Variants in CSMD1 observed in about 807,000 individuals in gnomAD.
CSMD1 encodes CUB and Sushi multiple domains 1.
Under a neutral mutation model 417.5 loss-of-function variants are expected in CSMD1, and 213 were observed. The observed-to-expected ratio is 0.51, with a 90% CI of 0.46 to 0.57. The LOEUF (loss-of-function observed/expected upper bound fraction) is 0.57. Among genes scored for constraint, CSMD1 ranks in the 20% least tolerant of loss-of-function variants. The pLI, the probability that CSMD1 is intolerant of heterozygous loss-of-function variation, is 0.00. For missense variants in CSMD1, 6,923 were observed against 4,529.7 expected (o/e 1.53, Z -15.17); for synonymous variants, 2,862 against 1,736.8 (o/e 1.65, Z -16.11).
At chr8:3,391,542 A>T (rs1053861935) in intron 17 of CSMD1, among the ~76,000 whole-genome samples, 4 of 152,224 alleles carry the variant, frequency 2.6e-5, no homozygotes, top group Admixed American at 1.3e-4. Context: ...CTCGTAAAGA[A>T]TGGCTAGACT....
intron 6 of CSMD1, among the ~76,000 whole-genome samples, chr8:3,711,151 A>C (rs1236173887): frequency 6.6e-6 from 1 of 152,238 alleles, no homozygotes; most frequent in Non-Finnish European, 1.5e-5. Context: ...AAAGGGTAAG[A>C]GGGAGAAACG....
At chr8:4,177,172 AG>A (rs1246647177) in intron 3 of CSMD1, among the ~76,000 whole-genome samples, 17 of 152,212 alleles carry the variant, frequency 1.1e-4, no homozygotes, top group African/African-American at 3.9e-4. Flanking sequence ...TTGACCACAT[AG>A]CTGGAAGTAA....
At chr8:4,383,924 C>A (rs964045845) in intron 3 of CSMD1, among the ~76,000 whole-genome samples, 1 of 152,008 alleles carries the variant, frequency 6.6e-6, no homozygotes, top group African/African-American at 2.4e-5. Flanking sequence ...AAATATGATA[C>A]CGTGAAGAAA....
At chr8:4,106,816 A>G (rs1311422740) in intron 3 of CSMD1, among the ~76,000 whole-genome samples, 1 of 152,198 alleles carries the variant, frequency 6.6e-6, no homozygotes, top group African/African-American at 2.4e-5. Flanking sequence ...TCAGGTCTAC[A>G]CCAGCACACA....
At chr8:3,107,556 T>C (rs891645191) in intron 45 of CSMD1, among the ~76,000 whole-genome samples, 162 bp downstream of exon 45, 1 of 151,912 alleles carries the variant, frequency 6.6e-6, no homozygotes, top group Non-Finnish European at 1.5e-5. Flanking sequence ...ATGACCTCCG[T>C]ATAAGTTCTC....
At chr8:4,971,526 T>C (rs1810235932) in intron 1 of CSMD1, among the ~76,000 whole-genome samples, 1 of 152,054 alleles carries the variant, frequency 6.6e-6, no homozygotes, top group South Asian at 2.1e-4. Flanking sequence ...AATTTATTTT[T>C]ATCTGACATA....
chr8:3,505,600 C>T (rs1021871103), intron 10 of CSMD1, among the ~76,000 whole-genome samples: 1 of 152,096 alleles, frequency 6.6e-6, no homozygotes, highest in South Asian at 2.1e-4. Flanking sequence ...TGTACACAAA[C>T]CCAGAAGAAC....
At chr8:3,372,137 A>G (rs1809995212) in intron 18 of CSMD1, among the ~76,000 whole-genome samples, 1 of 152,206 alleles carries the variant, frequency 6.6e-6, no homozygotes, top group Non-Finnish European at 1.5e-5. Flanking sequence ...GGATAGTGTG[A>G]GGCTTCTGGG....
intron 1 of CSMD1, among the ~76,000 whole-genome samples, chr8:4,687,836 T>TACAC (rs35687334): frequency 2.1e-3 from 315 of 149,190 alleles, no homozygotes; most frequent in African/African-American, 5.2e-3. Flanking sequence ...CATACATACA[T>TACAC]ACACACACAC....
chr8:4,770,316 C>T, intron 1 of CSMD1, among the ~76,000 whole-genome samples: 1 of 147,310 alleles, frequency 6.8e-6, no homozygotes, highest in East Asian at 2.0e-4. Flanking sequence ...TAATTAGCAA[C>T]TATATATGTA....
At chr8:3,708,381 A>G (rs1376735586) in intron 7 of CSMD1, 33 bp downstream of exon 7, 44 of 1,581,272 alleles carry the variant, frequency 2.8e-5, no homozygotes, top group Non-Finnish European at 3.5e-5. Flanking sequence ...ACAAGGGCGT[A>G]TCAATCCTCA....
At chr8:4,082,981 A>G (rs968652174) in intron 3 of CSMD1, among the ~76,000 whole-genome samples, 20 of 152,050 alleles carry the variant, frequency 1.3e-4, no homozygotes, top group South Asian at 2.1e-4. Flanking sequence ...TCCATGGTGT[A>G]TATGTGCCAC....
At chr8:2,960,495 G>C (rs1404442433) in intron 62 of CSMD1, among the ~76,000 whole-genome samples, 1 of 152,196 alleles carries the variant, frequency 6.6e-6, no homozygotes, top group Non-Finnish European at 1.5e-5. Flanking sequence ...GAGTACTTAA[G>C]ATGGTTAAAA....
At chr8:4,162,701 C>T (rs73508854) in intron 3 of CSMD1, among the ~76,000 whole-genome samples, 6 of 152,118 alleles carry the variant, frequency 3.9e-5, no homozygotes, top group South Asian at 2.1e-4. Context: ...CAACATCCCA[C>T]GCCAGAGTGG....
chr8:4,417,261 TTTTAA>T (rs1463724448), intron 3 of CSMD1, among the ~76,000 whole-genome samples: 10 of 152,086 alleles, frequency 6.6e-5, no homozygotes, highest in East Asian at 1.9e-4. Flanking sequence ...GATTACACTA[TTTTAA>T]TTTGTTTCTA....
At chr8:3,634,630 A>C (rs1045699567) in intron 7 of CSMD1, among the ~76,000 whole-genome samples, 2 of 152,084 alleles carry the variant, frequency 1.3e-5, no homozygotes, top group Non-Finnish European at 2.9e-5. Flanking sequence ...CTATCAAATT[A>C]CTTAACTCGA....
chr8:3,095,200 T>C (rs992223002), intron 47 of CSMD1, among the ~76,000 whole-genome samples: 1 of 152,136 alleles, frequency 6.6e-6, no homozygotes, highest in Non-Finnish European at 1.5e-5. Context: ...TTAAATATAC[T>C]TTTATGTCCT....
intron 1 of CSMD1, among the ~76,000 whole-genome samples, chr8:4,659,532 G>T (rs1033336644): frequency 3.3e-5 from 5 of 152,122 alleles, no homozygotes; most frequent in Admixed American, 1.3e-4. Flanking sequence ...AAGAAGCCAG[G>T]CACAAAATGT....
At chr8:3,191,098 T>A (rs1054640897) in intron 33 of CSMD1, among the ~76,000 whole-genome samples, 4 of 152,214 alleles carry the variant, frequency 2.6e-5, no homozygotes, top group Non-Finnish European at 5.9e-5. Flanking sequence ...TGAGAACACC[T>A]GCTCCACGTG....
Sources: allele counts gnomAD v4.1 joint callset (sites outside exome capture counted in the v4.1 genomes callset), GRCh38; gene constraint gnomAD v4.1.1; transcripts MANE v1.5; gene names NCBI Gene and HGNC (gene_info 2026-07-23, HGNC 2026-07-21).